ANO3: variants seen among roughly 807,000 people sequenced by gnomAD.
ANO3 encodes anoctamin 3, also known as anoctamin-3.
In ANO3, 99 loss-of-function variants were observed where a neutral mutation model predicts 144.8. The observed-to-expected ratio is 0.68, with a 90% confidence interval of 0.58 to 0.81. The LOEUF is 0.81. Ranked by LOEUF, ANO3 falls within the 30% of genes least tolerant of loss-of-function variation. ANO3 has a pLI of 0.00. For synonymous variants in ANO3, 414 were observed against 392.6 expected (o/e 1.05, Z -0.64); for missense variants, 905 against 1,202.2 (o/e 0.75, Z 3.66).
intron 1 of ANO3, among the ~76,000 whole-genome samples, chr11:26,383,157 A>G (rs533740568): frequency 6.6e-6 from 1 of 152,148 alleles, no homozygotes; most frequent in Non-Finnish European, 1.5e-5. Flanking sequence ...ATGAGGTAGG[A>G]ATTTTTAAAA....
intron 1 of ANO3, among the ~76,000 whole-genome samples, chr11:26,291,462 T>C (rs1249390570): frequency 6.6e-6 from 1 of 152,206 alleles, no homozygotes; most frequent in Non-Finnish European, 1.5e-5. Context: ...TGATGTTAGC[T>C]AGTTATTTTG....
chr11:26,610,206 C>T (rs568775031), intron 17 of ANO3, among the ~76,000 whole-genome samples: 112 of 152,252 alleles, frequency 7.4e-4, no homozygotes, highest in Middle Eastern at 3.4e-3. Context: ...CCACCGCTCC[C>T]GGCCTACTTT....
intron 14 of ANO3, among the ~76,000 whole-genome samples, chr11:26,597,276 G>A (rs984669732): frequency 7.7e-4 from 117 of 152,224 alleles, no homozygotes; most frequent in African/African-American, 2.6e-3. Context: ...TTGGCCTCAC[G>A]GATTCCAAGG....
intron 24 of ANO3, among the ~76,000 whole-genome samples, chr11:26,650,499 A>G (rs1354776362): frequency 6.6e-6 from 1 of 152,130 alleles, no homozygotes; most frequent in African/African-American, 2.4e-5. Context: ...CCCTTTTCAT[A>G]TATTGACATT....
chr11:26,538,048 A>G (rs2134197994), intron 10 of ANO3, among the ~76,000 whole-genome samples: 1 of 152,294 alleles, frequency 6.6e-6, no homozygotes, highest in Admixed American at 6.5e-5. Flanking sequence ...GAACTTTCAA[A>G]GACTATCACA....
chr11:26,435,704 G>A (rs1189587371), intron 1 of ANO3, among the ~76,000 whole-genome samples: 4 of 152,070 alleles, frequency 2.6e-5, no homozygotes, highest in African/African-American at 9.7e-5. Context: ...CTGCTGCATT[G>A]TGAAATTATT....
chr11:26,411,904 T>C (rs912851273), intron 1 of ANO3, among the ~76,000 whole-genome samples: 4 of 152,026 alleles, frequency 2.6e-5, no homozygotes, highest in Admixed American at 2.0e-4. Flanking sequence ...CTTCCATTTT[T>C]CTTGTAAGGT....
intron 18 of ANO3, among the ~76,000 whole-genome samples, chr11:26,628,916 G>C (rs868061291): frequency 6.6e-6 from 1 of 152,194 alleles, no homozygotes; most frequent in South Asian, 2.1e-4. Context: ...ATAGCAGTAT[G>C]ATAGGACATC....
At chr11:26,285,108 T>C (rs72874987) in intron 1 of ANO3, among the ~76,000 whole-genome samples, 2 of 152,070 alleles carry the variant, frequency 1.3e-5, no homozygotes, top group African/African-American at 2.4e-5. Flanking sequence ...TTTTTTTTTT[T>C]AATTATGGTA....
At chr11:26,462,584 A>G (rs1036015332) in intron 3 of ANO3, among the ~76,000 whole-genome samples, 7 of 151,782 alleles carry the variant, frequency 4.6e-5, no homozygotes, top group Admixed American at 3.9e-4. Context: ...TATTTCTCAG[A>G]CTTTTTGCAC....
intron 17 of ANO3, among the ~76,000 whole-genome samples, chr11:26,608,785 C>T (rs183887496): frequency 3.0e-3 from 459 of 152,242 alleles, no homozygotes; most frequent in Non-Finnish European, 4.9e-3. Context: ...ACAAACCGTC[C>T]AGCCTCCCTG....
intron 1 of ANO3, among the ~76,000 whole-genome samples, chr11:26,372,548 C>T (rs929560803): frequency 3.3e-5 from 5 of 152,102 alleles, no homozygotes; most frequent in Non-Finnish European, 7.4e-5. Context: ...TTAATTCATG[C>T]CTGAATAATT....
At chr11:26,647,284 A>G (rs542346678) in intron 23 of ANO3, among the ~76,000 whole-genome samples, 1 of 152,304 alleles carries the variant, frequency 6.6e-6, no homozygotes, top group East Asian at 1.9e-4. Context: ...TTTACTTTAA[A>G]AAGACATTTG....
chr11:26,362,112 C>T (rs1855943553), intron 1 of ANO3, among the ~76,000 whole-genome samples: 1 of 152,060 alleles, frequency 6.6e-6, no homozygotes, highest in Non-Finnish European at 1.5e-5. Flanking sequence ...CCATAAATTC[C>T]TTATTTACTA....
At chr11:26,429,778 T>C (rs1858026118) in intron 1 of ANO3, among the ~76,000 whole-genome samples, 1 of 152,214 alleles carries the variant, frequency 6.6e-6, no homozygotes, top group Admixed American at 6.5e-5. Flanking sequence ...ATGACAATGC[T>C]TAAAATTCAC....
intron 1 of ANO3, among the ~76,000 whole-genome samples, chr11:26,247,726 CT>C (rs532538445): frequency 5.8e-5 from 6 of 104,186 alleles, no homozygotes; most frequent in African/African-American, 2.2e-4. Context: ...GCTCCAGTCA[CT>C]TTTTTTTTTT....
chr11:26,385,893 G>GTTTATATA (rs1183332896), intron 1 of ANO3, among the ~76,000 whole-genome samples: 9 of 143,692 alleles, frequency 6.3e-5, no homozygotes. Context: ...CTTTGTGTGT[G>GTTTATATA]TATATATATT....
intron 14 of ANO3, among the ~76,000 whole-genome samples, chr11:26,573,171 A>C (rs116846504): frequency 0.017 from 2,567 of 152,300 alleles, 56 homozygotes; most frequent in Admixed American, 0.037. Context: ...ACGAAACTTT[A>C]GCTAAAATGC....
intron 17 of ANO3, among the ~76,000 whole-genome samples, chr11:26,611,114 A>G (rs571611812): frequency 3.9e-5 from 6 of 152,066 alleles, no homozygotes; most frequent in Non-Finnish European, 7.4e-5. Context: ...TGAAAACTTC[A>G]AAAGTCACTA....
Sources: allele counts gnomAD v4.1 joint callset (sites outside exome capture counted in the v4.1 genomes callset), GRCh38; gene constraint gnomAD v4.1.1; transcripts MANE v1.5; gene names NCBI Gene and HGNC (gene_info 2026-07-23, HGNC 2026-07-21).